Variants in LRMDA observed in about 807,000 individuals in gnomAD.
The protein encoded by LRMDA is leucine-rich melanocyte differentiation-associated protein.
LRMDA carries 18 observed loss-of-function variants against 29.8 expected under a neutral mutation model. The observed-to-expected ratio is 0.60, with a 90% CI of 0.42 to 0.90. LRMDA has a LOEUF of 0.90. LRMDA is among the 40% of genes least tolerant of loss of function. LRMDA has a pLI of 0.00. For synonymous variants in LRMDA, 125 were observed against 109.4 expected (o/e 1.14, Z -0.89); for missense variants, 273 against 273.9 (o/e 1.00, Z 0.02).
chr10:76,388,621 T>G (rs1262828521), intron 6 of LRMDA, among the ~76,000 whole-genome samples: 2 of 152,064 alleles, frequency 1.3e-5, no homozygotes, highest in African/African-American at 4.8e-5. Flanking sequence ...GCATCAGAAG[T>G]TTTTCTGACT....
chr10:76,361,070 G>A (rs1262323873), intron 6 of LRMDA, among the ~76,000 whole-genome samples: 1 of 152,016 alleles, frequency 6.6e-6, no homozygotes, highest in Non-Finnish European at 1.5e-5. Flanking sequence ...AGACCAGCCT[G>A]GGCAACAAGG....
intron 2 of LRMDA, among the ~76,000 whole-genome samples, chr10:75,828,585 A>G (rs1844285138): frequency 6.6e-6 from 1 of 152,210 alleles, no homozygotes; most frequent in South Asian, 2.1e-4. Context: ...TGGAAGTTGC[A>G]AGGCATATAT....
chr10:76,345,782 C>G (rs1421047007), intron 6 of LRMDA, among the ~76,000 whole-genome samples: 1 of 152,044 alleles, frequency 6.6e-6, no homozygotes. Context: ...AATAACCTAA[C>G]AATTACACAT....
chr10:75,994,731 G>T (rs1245551445), intron 2 of LRMDA, among the ~76,000 whole-genome samples: 1 of 152,098 alleles, frequency 6.6e-6, no homozygotes, highest in Admixed American at 6.5e-5. Context: ...ATAACATTTT[G>T]TCCTTTTAGA....
intron 2 of LRMDA, among the ~76,000 whole-genome samples, chr10:75,859,221 A>G (rs998358834): frequency 6.6e-6 from 1 of 152,150 alleles, no homozygotes; most frequent in Non-Finnish European, 1.5e-5. Context: ...TCTCTTGAGT[A>G]TGTTCTAAGA....
intron 2 of LRMDA, among the ~76,000 whole-genome samples, chr10:75,687,380 G>T (rs1210558394): frequency 6.6e-6 from 1 of 152,174 alleles, no homozygotes; most frequent in Non-Finnish European, 1.5e-5. Flanking sequence ...TATGAAGAAA[G>T]TTTTTGTGGT....
intron 2 of LRMDA, among the ~76,000 whole-genome samples, chr10:75,446,816 TG>T (rs1196754190): frequency 6.6e-6 from 1 of 152,268 alleles, no homozygotes; most frequent in African/African-American, 2.4e-5. Flanking sequence ...AGCATATATT[TG>T]ATCATGTTCC....
intron 5 of LRMDA, among the ~76,000 whole-genome samples, chr10:76,253,299 AT>A (rs914422999): frequency 6.6e-6 from 1 of 152,088 alleles, no homozygotes; most frequent in African/African-American, 2.4e-5. Flanking sequence ...ATGGATCAAC[AT>A]TTTTTTGATG....
chr10:75,561,334 A>G (rs1273146098), intron 2 of LRMDA, among the ~76,000 whole-genome samples: 3 of 148,574 alleles, frequency 2.0e-5, no homozygotes, highest in Non-Finnish European at 3.0e-5. Flanking sequence ...AGGTGTTTGT[A>G]GTATTCTCTG....
At chr10:75,818,985 C>G (rs1275286805) in intron 2 of LRMDA, among the ~76,000 whole-genome samples, 1 of 152,164 alleles carries the variant, frequency 6.6e-6, no homozygotes, top group Non-Finnish European at 1.5e-5. Flanking sequence ...TTAGTTGAAA[C>G]AAAGGGCTGT....
Position 75,966,762 on chromosome 10 carries a change from G to A in LRMDA, c.132-69246G>A, listed in dbSNP as rs541089922. On this transcript the variant is annotated intron_variant, in intron 2 of 6. Transcript: ENST00000611255. ...ATTCTTGAGTTCAAATCATGGCTCT[G>A]CTATTTATTGGTTTTGTGACCTTGG... 4.0e-4 allele frequency among the ~76,000 whole-genome samples: 61 copies of A among 152,278 alleles called. 1 individual carries two copies. The highest frequency in any genetic ancestry group is 5.9e-4 in the Admixed American group (9 of 15,298).
intron 2 of LRMDA, among the ~76,000 whole-genome samples, chr10:75,995,629 G>T (rs1847449107): frequency 6.6e-6 from 1 of 152,128 alleles, no homozygotes; most frequent in Admixed American, 6.5e-5. Context: ...TTATATAGCT[G>T]GGATAAGAAG....
In LRMDA at chr10:75,470,225, G is replaced by A. The variant is rs532267345; in HGVS notation, c.131+31731G>A. On this transcript the variant is annotated intron_variant, in intron 2 of 6. Transcript: ENST00000611255. ...AAAACATAAAGGTGAGGCTGAGTGT[G>A]GTGGCTCACACCTGTAATCCCAGCA... Among the ~76,000 whole-genome samples, 9 of 152,308 alleles carry A rather than the reference G, an allele frequency of 5.9e-5. No individual in the cohort carries two copies. The South Asian group carries it at 1.9e-3, about 32-fold the overall frequency.
intron 2 of LRMDA, among the ~76,000 whole-genome samples, chr10:75,893,887 C>G (rs1398148709): frequency 4.8e-5 from 7 of 147,028 alleles, no homozygotes; most frequent in Admixed American, 4.1e-4. Context: ...CAGCCGAGAT[C>G]ACACCACTGC....
intron 5 of LRMDA, among the ~76,000 whole-genome samples, chr10:76,254,340 C>CATACT (rs759692334): frequency 0.014 from 1,263 of 90,140 alleles, 20 homozygotes; most frequent in African/African-American, 0.039. Context: ...CATACCATAC[C>CATACT]ATCCTATCCT....
chr10:75,571,690 T>G (rs545928303), intron 2 of LRMDA, among the ~76,000 whole-genome samples: 3 of 152,294 alleles, frequency 2.0e-5, no homozygotes, highest in African/African-American at 7.2e-5. Context: ...GAGATACAAG[T>G]AACAGATGGT....
chr10:76,336,551 A>G (rs1290279253), intron 6 of LRMDA, among the ~76,000 whole-genome samples: 12 of 152,132 alleles, frequency 7.9e-5, no homozygotes, highest in Non-Finnish European at 1.2e-4. Flanking sequence ...TCCAGGGCAA[A>G]TGTTTCTCAA....
intron 6 of LRMDA, among the ~76,000 whole-genome samples, chr10:76,420,906 A>T (rs2132520252): frequency 6.6e-6 from 1 of 152,224 alleles, no homozygotes; most frequent in East Asian, 1.9e-4. Flanking sequence ...TGCCTTTTCA[A>T]ATTTCCTGAT....
At chr10:76,052,088 G>C (rs1486730650) in intron 4 of LRMDA, among the ~76,000 whole-genome samples, 2 of 152,214 alleles carry the variant, frequency 1.3e-5, no homozygotes, top group South Asian at 2.1e-4. Context: ...ATCAAGCTTT[G>C]TGAAAGATTG....
Sources: allele counts gnomAD v4.1 joint callset (sites outside exome capture counted in the v4.1 genomes callset), GRCh38; gene constraint gnomAD v4.1.1; transcripts MANE v1.5; gene names NCBI Gene and HGNC (gene_info 2026-07-23, HGNC 2026-07-21).